AOAH: variants seen among roughly 807,000 people sequenced by gnomAD.
AOAH encodes acyloxyacyl hydrolase.
Under a neutral mutation model 92.2 loss-of-function variants are expected in AOAH, and 64 were observed. The observed-to-expected ratio is 0.69, with a 90% CI of 0.57 to 0.86. AOAH has a LOEUF of 0.86. Ranked by LOEUF, AOAH falls within the 40% of genes least tolerant of loss-of-function variation. The pLI, the probability that AOAH is intolerant of heterozygous loss-of-function variation, is 0.00. For synonymous variants in AOAH, 263 were observed against 254.5 expected, an observed-to-expected ratio of 1.03 and a Z score of -0.32; for missense variants, 656 against 694.6, an observed-to-expected ratio of 0.94 and a Z score of 0.62.
chr7:36,621,880 T>A (rs1792308472), intron 7 of AOAH, 100 bp from the exon 8 acceptor site: 1 of 987,536 alleles, frequency 1.0e-6, no homozygotes, highest in Middle Eastern at 2.1e-4. Flanking sequence ...ACATCCACAG[T>A]TTTTAATTCA....
intron 3 of AOAH, among the ~76,000 whole-genome samples, chr7:36,668,422 T>C (rs1406470773): frequency 6.6e-6 from 1 of 152,252 alleles, no homozygotes; most frequent in African/African-American, 2.4e-5. Flanking sequence ...TGTGATTCTC[T>C]GTATCCACCT....
chr7:36,660,819 C>A (rs1324970853), intron 3 of AOAH, among the ~76,000 whole-genome samples: 2 of 152,134 alleles, frequency 1.3e-5, no homozygotes, highest in Admixed American at 1.3e-4. Flanking sequence ...ATGACATGAA[C>A]AAGTATAAAC....
At chr7:36,611,153 G>A (rs979675652) in intron 11 of AOAH, among the ~76,000 whole-genome samples, 3 of 152,108 alleles carry the variant, frequency 2.0e-5, no homozygotes, top group African/African-American at 7.2e-5. Flanking sequence ...GAGAGTGGCT[G>A]GGCCAATTTT....
chr7:36,721,312 T>C (rs1799617639), intron 1 of AOAH, among the ~76,000 whole-genome samples: 2 of 152,164 alleles, frequency 1.3e-5, no homozygotes, highest in Non-Finnish European at 2.9e-5. Context: ...GAGCTCTCAG[T>C]GGGACTTCTT....
chr7:36,655,922 A>C (rs1794854999), intron 4 of AOAH, among the ~76,000 whole-genome samples: 1 of 152,172 alleles, frequency 6.6e-6, no homozygotes, highest in Non-Finnish European at 1.5e-5. Context: ...TACAGGAGCT[A>C]TGATAAGAGG....
intron 13 of AOAH, among the ~76,000 whole-genome samples, chr7:36,551,308 A>G (rs1786235763): frequency 6.6e-6 from 1 of 151,986 alleles, no homozygotes; most frequent in African/African-American, 2.4e-5. Context: ...TCCTGACCTC[A>G]TGATCTGCCT....
intron 2 of AOAH, among the ~76,000 whole-genome samples, chr7:36,683,526 GA>G (rs751985171): frequency 1.4e-4 from 21 of 152,174 alleles, no homozygotes; most frequent in Non-Finnish European, 2.5e-4. Flanking sequence ...ATAAGAATTA[GA>G]AAATATATTA....
At chr7:36,628,642 C>A (rs1358531953) in intron 6 of AOAH, among the ~76,000 whole-genome samples, 1 of 152,174 alleles carries the variant, frequency 6.6e-6, no homozygotes, top group Non-Finnish European at 1.5e-5. Context: ...GTGCAAGCGA[C>A]TGAAAGTAAC....
rs7782119 is a variant in AOAH at position 36,516,294 on chromosome 7, C to A, written c.1600-2914G>T. Among the ~76,000 whole-genome samples the A allele has an allele frequency of 1.0e-3, 146 of 146,382 alleles. No individual in the cohort carries two copies. The highest frequency in any genetic ancestry group is 2.7e-3 in the African/African-American group (104 of 38,854). The stretch of plus-strand genomic sequence containing the variant: ...ACATACACATATAACATACACACAC[C>A]CCCCCACACAGATACCACACACACA... On this transcript the variant is annotated intron_variant, in intron 20 of 20. Transcript: ENST00000617537. This position sits in a 1 kb window ranked among gnomAD's most constrained non-coding sequence, Gnocchi z 5.0.
At chr7:36,702,312 T>C (rs1437789435) in intron 1 of AOAH, among the ~76,000 whole-genome samples, 1 of 152,234 alleles carries the variant, frequency 6.6e-6, no homozygotes, top group Non-Finnish European at 1.5e-5. Context: ...TCCTTCTGTC[T>C]GAAGGACTTC....
intron 2 of AOAH, among the ~76,000 whole-genome samples, chr7:36,682,945 T>C (rs1310859000): frequency 6.6e-6 from 1 of 152,028 alleles, no homozygotes; most frequent in Non-Finnish European, 1.5e-5. Flanking sequence ...AAAACATTCC[T>C]AAAATTAGAA....
chr7:36,686,666 G>T, intron 2 of AOAH, 33 bp downstream of exon 2: 1 of 1,330,008 alleles, frequency 7.5e-7, no homozygotes, highest in Non-Finnish European at 1.0e-6. Context: ...AGGACAAGCA[G>T]ACCCTCAGCA....
intron 10 of AOAH, among the ~76,000 whole-genome samples, chr7:36,617,220 A>C (rs1454219130): frequency 6.6e-6 from 1 of 152,216 alleles, no homozygotes; most frequent in African/African-American, 2.4e-5. Flanking sequence ...GCTTCATGGA[A>C]ACCACTATTT....
intron 12 of AOAH, among the ~76,000 whole-genome samples, chr7:36,585,965 AG>A (rs1789294771): frequency 6.6e-6 from 1 of 152,170 alleles, no homozygotes; most frequent in African/African-American, 2.4e-5. Context: ...GACAAGGGGA[AG>A]TCATTGCAGG....
chr7:36,547,582 C>T (rs974051505), intron 15 of AOAH, among the ~76,000 whole-genome samples: 1 of 152,112 alleles, frequency 6.6e-6, no homozygotes, highest in African/African-American at 2.4e-5. Context: ...AAATCGTGAA[C>T]CTCGTTTGGC....
At chr7:36,534,471 GGT>G (rs2116059919) in intron 16 of AOAH, among the ~76,000 whole-genome samples, 1 of 152,326 alleles carries the variant, frequency 6.6e-6, no homozygotes, top group East Asian at 1.9e-4. Context: ...CCTCCTGTCT[GGT>G]GTTTCTGCCT....
intron 19 of AOAH, among the ~76,000 whole-genome samples, chr7:36,526,261 C>T (rs1335855709): frequency 6.6e-6 from 1 of 150,652 alleles, no homozygotes; most frequent in Non-Finnish European, 1.5e-5. Flanking sequence ...AGGTAAACAT[C>T]ATTTTTTTCC....
At chr7:36,662,302 A>G (rs1231842954) in intron 3 of AOAH, among the ~76,000 whole-genome samples, 1 of 152,108 alleles carries the variant, frequency 6.6e-6, no homozygotes, top group Non-Finnish European at 1.5e-5. Context: ...TTTTGTGAGC[A>G]CCTGAGTTAA....
chr7:36,613,849 G>A (rs1038096430), intron 11 of AOAH, among the ~76,000 whole-genome samples: 7 of 152,062 alleles, frequency 4.6e-5, no homozygotes, highest in Admixed American at 1.3e-4. Context: ...TCCCATAAGC[G>A]TTTTTCAAAA....
Sources: allele counts gnomAD v4.1 joint callset (sites outside exome capture counted in the v4.1 genomes callset), GRCh38; gene constraint gnomAD v4.1.1; non-coding constraint Gnocchi (gnomAD v3.1); transcripts MANE v1.5; gene names NCBI Gene and HGNC (gene_info 2026-07-23, HGNC 2026-07-21).